DOCK2: variants seen among roughly 807,000 people sequenced by gnomAD.
DOCK2 encodes dedicator of cytokinesis protein 2.
A neutral mutation model predicts 248.9 loss-of-function variants in DOCK2; 87 were observed. The observed-to-expected ratio is 0.35, with a 90% CI of 0.29 to 0.42. DOCK2 has a LOEUF of 0.42. DOCK2 is among the 10% of genes least tolerant of loss of function. The pLI, the probability that DOCK2 is intolerant of heterozygous loss-of-function variation, is 1.00. For missense variants in DOCK2, 1,747 were observed against 2,300.2 expected (o/e 0.76, Z 4.92); for synonymous variants, 805 against 821.6 (o/e 0.98, Z 0.35).
chr5:170,055,298 A>T lies in DOCK2; in HGVS notation c.4214-7A>T. 1 of 1,613,982 alleles carries T rather than the reference A, an allele frequency of 6.2e-7. No homozygotes were observed. The highest frequency in any genetic ancestry group is 8.5e-7 in the Non-Finnish European group (1 of 1,179,818). Reference sequence around the variant, plus strand: ...CAGATATAAGTCCTTAACTACAGGGATTCCAGATATCCAGTGCTTCACTGT... The same window carrying T: ...CAGATATAAGTCCTTAACTACAGGGTTTCCAGATATCCAGTGCTTCACTGT... On this transcript the variant is annotated splice_region_variant and splice_polypyrimidine_tract_variant and intron_variant, in intron 41 of 51. Coordinates refer to ENST00000520908, the MANE Select transcript of DOCK2 (RefSeq NM_004946.3).
chr5:169,766,776 A>AT (rs1256076174), intron 25 of DOCK2, among the ~76,000 whole-genome samples: 5 of 151,702 alleles, frequency 3.3e-5, no homozygotes, highest in East Asian at 1.9e-4. Flanking sequence ...TTATTTATTT[A>AT]TTTTTTTTGA....
At chr5:169,955,722 T>C (rs1776839534) in intron 27 of DOCK2, among the ~76,000 whole-genome samples, 1 of 152,136 alleles carries the variant, frequency 6.6e-6, no homozygotes, top group Non-Finnish European at 1.5e-5. Context: ...TTCTTTAACC[T>C]CTCTGAAACT....
chr5:169,761,553 C>T lies in DOCK2; in HGVS notation c.2482C>T (p.Pro828Ser). ...GTATGAGTTCTACACCTGCATCCCTCCTGTGAAACTCCAGAAGCAGAAAGT... is the reference window on the plus strand; with the variant it reads ...GTATGAGTTCTACACCTGCATCCCTTCTGTGAAACTCCAGAAGCAGAAAGT... ...LLYEFYTCIP[P>S]VKLQKQKVQS... The change falls in exon 25 of 52, where the codon CCT (proline) becomes TCT (serine). Residue 828 changes from proline (P) to serine (S), a missense_variant. Physicochemically the swap from Pro to Ser is moderately conservative, Grantham distance 74 (BLOSUM62 -1). Around this residue, in one of 4 missense-constraint regions of DOCK2, gnomAD observed 858 missense variants for 1,183.5 expected, o/e 0.72. Coordinates refer to ENST00000520908, the MANE Select transcript of DOCK2 (RefSeq NM_004946.3). 6.2e-7 allele frequency: 1 copy of T among 1,614,120 alleles called. No individual in the cohort carries two copies. The highest frequency in any genetic ancestry group is 1.3e-5 in the African/African-American group (1 of 75,046).
chr5:169,780,319 G>A (rs1404581379), intron 25 of DOCK2, among the ~76,000 whole-genome samples: 2 of 147,490 alleles, frequency 1.4e-5, no homozygotes, highest in African/African-American at 2.5e-5. Context: ...GTGTGTGTGT[G>A]TGTGTGTGTG....
chr5:169,732,141 C>A (rs146309318), intron 22 of DOCK2, among the ~76,000 whole-genome samples: 15 of 152,076 alleles, frequency 9.9e-5, no homozygotes, highest in East Asian at 9.7e-4. Flanking sequence ...AAAACAATAA[C>A]CATATTTTGT....
chr5:169,755,559 A>G (rs1222956142), intron 23 of DOCK2, among the ~76,000 whole-genome samples: 2 of 152,094 alleles, frequency 1.3e-5, no homozygotes, highest in African/African-American at 2.4e-5. Flanking sequence ...ACTGGCCAAC[A>G]TAGTGAAATC....
At chr5:169,765,099 CA>C (rs1764699775) in intron 25 of DOCK2, among the ~76,000 whole-genome samples, 3 of 151,792 alleles carry the variant, frequency 2.0e-5, no homozygotes, top group African/African-American at 7.3e-5. Flanking sequence ...CACACACACA[CA>C]CACCCCACAC....
intron 27 of DOCK2, among the ~76,000 whole-genome samples, chr5:169,942,982 G>A (rs193281297): frequency 6.0e-4 from 92 of 152,300 alleles, no homozygotes; most frequent in African/African-American, 2.0e-3. Flanking sequence ...AATCGTATGC[G>A]TGGGACAAAC....
chr5:169,668,874 C>T lies in DOCK2; in HGVS notation c.128-414C>T, dbSNP rs145414422. On this transcript the variant is annotated intron_variant, in intron 2 of 51. Coordinates refer to ENST00000520908, the MANE Select transcript of DOCK2 (RefSeq NM_004946.3). ...CCAAATCAGGAGCATTTCTTTGTCC[C>T]GAAGGCAGGAATTGAAAGCATGCAG... is the stretch of plus-strand genomic sequence containing the variant. Among the ~76,000 whole-genome samples the T allele has an allele frequency of 5.5e-3, 840 of 152,182 alleles. 5 individuals are homozygous for T. Among genetic ancestry groups the T allele is most frequent in the Non-Finnish European group, 9.5e-3 (646 of 68,016 alleles).
At chr5:169,694,695 TTGAGCTGGGTC>T (rs1273989608) in intron 9 of DOCK2, among the ~76,000 whole-genome samples, 1 of 152,160 alleles carries the variant, frequency 6.6e-6, no homozygotes, top group Admixed American at 6.5e-5. Context: ...CTAGACTCAG[TTGAGCTGGGTC>T]TGGTGGCTCA....
chr5:169,996,270 C>A, intron 30 of DOCK2, 106 bp downstream of exon 30: 2 of 1,172,634 alleles, frequency 1.7e-6, no homozygotes, highest in East Asian at 5.0e-5. Flanking sequence ...GAAGCTGTCC[C>A]AGTCTCTCCA....
intron 25 of DOCK2, among the ~76,000 whole-genome samples, chr5:169,777,253 G>C (rs1041826483): frequency 1.3e-5 from 2 of 152,344 alleles, no homozygotes; most frequent in African/African-American, 4.8e-5. Flanking sequence ...GAGTTAAGGA[G>C]TTGGAGTAAC....
At chr5:169,850,434 G>A in intron 27 of DOCK2, among the ~76,000 whole-genome samples, 1 of 152,132 alleles carries the variant, frequency 6.6e-6, no homozygotes, top group Non-Finnish European at 1.5e-5. Context: ...GAAAATTCCT[G>A]AAAGTGTATG....
At chr5:169,892,600 T>C (rs1168623995) in intron 27 of DOCK2, among the ~76,000 whole-genome samples, 3 of 152,224 alleles carry the variant, frequency 2.0e-5, no homozygotes, top group Non-Finnish European at 4.4e-5. Context: ...CCACTAATGC[T>C]ATTTTTTTCT....
At chr5:170,014,645 G>T (rs1179509235) in intron 32 of DOCK2, among the ~76,000 whole-genome samples, 1 of 123,678 alleles carries the variant, frequency 8.1e-6, no homozygotes, top group African/African-American at 3.1e-5. Flanking sequence ...GTTGGGGGGG[G>T]TAGACTATGG....
chr5:169,727,403 T>A (rs1762541549), intron 22 of DOCK2, among the ~76,000 whole-genome samples: 1 of 152,194 alleles, frequency 6.6e-6, no homozygotes, highest in African/African-American at 2.4e-5. Flanking sequence ...GTTCTTGCTG[T>A]TGTGCTGTAC....
At chr5:169,668,621 A>T (rs1434397926) in intron 2 of DOCK2, among the ~76,000 whole-genome samples, 1 of 152,174 alleles carries the variant, frequency 6.6e-6, no homozygotes, top group Non-Finnish European at 1.5e-5. Flanking sequence ...AGTCATCAGG[A>T]CTTGCTGCAC....
chr5:169,898,737 T>A (rs1773756923), intron 27 of DOCK2, among the ~76,000 whole-genome samples: 1 of 152,184 alleles, frequency 6.6e-6, no homozygotes, highest in South Asian at 2.1e-4. Context: ...ACTCTACCGT[T>A]GTAGCCTGAA....
At chr5:170,002,501 TC>T (rs1196380908) in intron 30 of DOCK2, among the ~76,000 whole-genome samples, 2 of 152,232 alleles carry the variant, frequency 1.3e-5, no homozygotes, top group Non-Finnish European at 2.9e-5. Flanking sequence ...AACATTCTCT[TC>T]TGAGGAATTA....
Sources: allele counts gnomAD v4.1 joint callset (sites outside exome capture counted in the v4.1 genomes callset), GRCh38; gene constraint gnomAD v4.1.1; regional missense constraint gnomAD v4.1.1; transcripts MANE v1.5; gene names NCBI Gene and HGNC (gene_info 2026-07-23, HGNC 2026-07-21).